SLC7A9: variants seen among roughly 807,000 people sequenced by gnomAD.
The protein encoded by SLC7A9 is B(0,+)-type amino acid transporter 1.
In SLC7A9, 38 loss-of-function variants were observed where a neutral mutation model predicts 54.1. The ratio of observed to expected loss-of-function variants is 0.70; its 90% CI spans 0.54 to 0.92. SLC7A9 has a LOEUF of 0.92. Among genes scored for constraint, SLC7A9 ranks in the 40% least tolerant of loss-of-function variants. The probability of loss-of-function intolerance (pLI) is 0.00; values close to 1 mark genes in which losing one functional copy is unlikely to be tolerated. For missense variants in SLC7A9, 537 were observed against 636.1 expected (o/e 0.84, Z 1.68); for synonymous variants, 264 against 258.9 (o/e 1.02, Z -0.19).
At chr19:32,851,724 A>G (rs1006770730) in intron 9 of SLC7A9, among the ~76,000 whole-genome samples, 5 of 152,200 alleles carry the variant, frequency 3.3e-5, no homozygotes, top group African/African-American at 1.2e-4. Context: ...ATGCACACGT[A>G]TGTTTATTGT....
At chr19:32,855,330 G>A (rs1251478726) in intron 9 of SLC7A9, among the ~76,000 whole-genome samples, 1 of 152,078 alleles carries the variant, frequency 6.6e-6, no homozygotes, top group Non-Finnish European at 1.5e-5. Flanking sequence ...CTTTCTTCAT[G>A]GTCCAGGACA....
intron 1 of SLC7A9, among the ~76,000 whole-genome samples, chr19:32,869,026 T>C (rs1050635379): frequency 6.9e-6 from 1 of 143,984 alleles, no homozygotes; most frequent in South Asian, 2.2e-4. Context: ...CTGGCTAACA[T>C]GGCGAACCCC....
chr19:32,864,391 C>T, intron 3 of SLC7A9, 53 bp from the exon 4 acceptor site: 2 of 1,609,338 alleles, frequency 1.2e-6, no homozygotes. Context: ...ACTGCCCCGG[C>T]CCCAGGGAGC....
At chr19:32,856,519 AAAG>A (rs1968632922) in intron 9 of SLC7A9, among the ~76,000 whole-genome samples, 1 of 152,194 alleles carries the variant, frequency 6.6e-6, no homozygotes, top group Non-Finnish European at 1.5e-5. Flanking sequence ...TTCTCAGCAT[AAAG>A]AAGTATGTGA....
Position 32,868,524 on chromosome 19 carries a change from G to A in SLC7A9, c.11C>T (p.Thr4Ile). 6.2e-7 allele frequency: 1 copy of A among 1,613,948 alleles called. No homozygotes were observed. Residue 4 changes from threonine (T) to isoleucine (I), a missense_variant, in exon 2 of 13, where the codon ACT (threonine) becomes ATT (isoleucine). Coordinates refer to ENST00000023064, the MANE Select transcript of SLC7A9 (RefSeq NM_014270.5). MGD[T>I]GLRKRREDEK... ...ATCCTCTCTCCGCTTTCTCAGGCCAGTATCCCCCATGTTTCCTCCTGCTGG... is the reference window on the plus strand; with the variant it reads ...ATCCTCTCTCCGCTTTCTCAGGCCAATATCCCCCATGTTTCCTCCTGCTGG...
At chr19:32,865,074 G>C (rs1968927308) in intron 2 of SLC7A9, among the ~76,000 whole-genome samples, 1 of 152,222 alleles carries the variant, frequency 6.6e-6, no homozygotes, top group Admixed American at 6.5e-5. Context: ...TTTACAGCTA[G>C]AGAGGGGGAA....
chr19:32,863,973 G>A (rs1221387806), intron 4 of SLC7A9, 123 bp downstream of exon 4: 2 of 1,500,200 alleles, frequency 1.3e-6, no homozygotes, highest in Non-Finnish European at 1.8e-6. Context: ...TACTGCAAAG[G>A]CTGATGCCAG....
chr19:32,841,453 T>C (rs1769013099), intron 11 of SLC7A9, among the ~76,000 whole-genome samples: 1 of 151,930 alleles, frequency 6.6e-6, no homozygotes, highest in African/African-American at 2.4e-5. Context: ...GAGGCCGGCA[T>C]AGTGGCTCAC....
At chr19:32,845,857 A>G (rs1373038596) in intron 9 of SLC7A9, among the ~76,000 whole-genome samples, 1 of 151,954 alleles carries the variant, frequency 6.6e-6, no homozygotes, top group African/African-American at 2.4e-5. Flanking sequence ...AAAACACAAA[A>G]ATTAGGTGTG....
At chr19:32,853,578 A>G (rs186772216) in intron 9 of SLC7A9, among the ~76,000 whole-genome samples, 7 of 151,936 alleles carry the variant, frequency 4.6e-5, no homozygotes, top group African/African-American at 1.7e-4. Flanking sequence ...TTGACAAAAG[A>G]TGTGCAAGAA....
rs1201471751 is a variant in SLC7A9 at position 32,842,234 on chromosome 19, A to G, written c.1158T>C (p.Tyr386=). Residue 386 remains tyrosine (Y), a synonymous_variant, in exon 11 of 13, where the codon TAT becomes TAC. Transcript: ENST00000023064. ...NYFSFAAWLF[Y]GLTILGLIVM... ...CGATGAGTCCTAGAATCGTCAGGCC[A>G]TAAAACAGCCATGCGGCAAAGCTGA... 6.2e-7 allele frequency: 1 copy of G among 1,614,176 alleles called. No individual in the cohort carries two copies. Among genetic ancestry groups the G allele is most frequent in the Non-Finnish European group, 8.5e-7 (1 of 1,180,006 alleles).
Position 32,862,110 on chromosome 19 carries a change from C to T in SLC7A9, c.704+8G>A. The T allele has an allele frequency of 6.3e-7, 1 of 1,591,648 alleles. No individual in the cohort carries two copies. Among genetic ancestry groups the T allele is most frequent in the Non-Finnish European group, 8.6e-7 (1 of 1,159,984 alleles). On this transcript the variant is annotated splice_region_variant and intron_variant, in intron 6 of 12. Transcript: ENST00000023064. Reference sequence around the variant, plus strand: ...CCCCCAGACTCGGGACATCTCAGGACACCTCACCATCCATCATAGGCCCAG... The same window carrying T: ...CCCCCAGACTCGGGACATCTCAGGATACCTCACCATCCATCATAGGCCCAG...
chr19:32,856,459 G>C (rs1968630844), intron 9 of SLC7A9, among the ~76,000 whole-genome samples: 1 of 152,312 alleles, frequency 6.6e-6, no homozygotes, highest in Admixed American at 6.5e-5. Context: ...CTCCCAAAGT[G>C]CTGGGATTAC....
chr19:32,834,793 GTTTGT>G (rs1568510719), intron 11 of SLC7A9, among the ~76,000 whole-genome samples: 4 of 151,606 alleles, frequency 2.6e-5, no homozygotes, highest in East Asian at 1.9e-4. Flanking sequence ...GTGTTTTTTT[GTTTGT>G]TTTGTTTCCC....
At chr19:32,838,389 T>C (rs960775565) in intron 11 of SLC7A9, among the ~76,000 whole-genome samples, 2 of 150,598 alleles carry the variant, frequency 1.3e-5, no homozygotes, top group Admixed American at 1.3e-4. Context: ...ATAACTAATA[T>C]ATTTTAAAGG....
At position 32,830,638 on chromosome 19, in the gene SLC7A9, C is replaced by G. The variant is rs144616352; in HGVS notation, c.1446G>C (p.Pro482=). Residue 482 remains proline (P), a synonymous_variant, in exon 13 of 13, where the codon CCG becomes CCC. Coordinates refer to ENST00000023064, the MANE Select transcript of SLC7A9 (RefSeq NM_014270.5). ...HLQMLMEVVP[P]EEDPE The stretch of plus-strand genomic sequence containing the variant: ...GAGCTTGTTACTCAGGGTCTTCCTC[C>G]GGTGGGACCACTTCCATTAGCATCT... 2 of 1,613,926 alleles carry G rather than the reference C, an allele frequency of 1.2e-6. No homozygotes were observed. Among genetic ancestry groups the G allele is most frequent in the African/African-American group, 1.3e-5 (1 of 75,034 alleles).
chr19:32,851,929 C>G (rs1968479629), intron 9 of SLC7A9, among the ~76,000 whole-genome samples: 1 of 151,918 alleles, frequency 6.6e-6, no homozygotes, highest in South Asian at 2.1e-4. Flanking sequence ...GGACAAAAAA[C>G]CAAACACCGC....
rs1555785155 is a variant in SLC7A9 at position 32,862,673 on chromosome 19, T to TTA, written c.479-88_479-87insTA. The TTA allele has an allele frequency of 3.2e-6, 4 of 1,264,924 alleles. No homozygotes were observed. The African/African-American group carries it at 4.7e-5, about 15-fold the overall frequency. The allele number at this position is 1,264,924 out of a possible 1,614,324, so 78.4% of individuals were successfully genotyped here. ...CTTTCTTTTATATATTTTTTATTTT[T>TTA]TTTTTTTTTTGAGATGGAGTCTCAC... is the stretch of plus-strand genomic sequence containing the variant. On this transcript the variant is annotated intron_variant, in intron 4 of 12. Coordinates refer to ENST00000023064, the MANE Select transcript of SLC7A9 (RefSeq NM_014270.5).
chr19:32,855,015 G>T (rs555751262), intron 9 of SLC7A9, among the ~76,000 whole-genome samples: 50 of 152,126 alleles, frequency 3.3e-4, no homozygotes, highest in Non-Finnish European at 6.5e-4. Context: ...TCATTACAAC[G>T]TTATTCACCA....
Sources: gnomAD v4.1 joint callset for allele counts (sites outside exome capture counted in the v4.1 genomes callset) on GRCh38, gnomAD v4.1.1 for gene constraint, MANE v1.5 for transcripts, NCBI Gene and HGNC (gene_info 2026-07-23, HGNC 2026-07-21) for gene names.